The following RANBP2 variants were observed in gnomAD, a reference collection of about 807,000 sequenced individuals.
RANBP2 encodes E3 SUMO-protein ligase RanBP2.
A neutral mutation model predicts 303.6 loss-of-function variants in RANBP2; 57 were observed. That is an observed-to-expected ratio of 0.19 (90% CI 0.15 to 0.23). The LOEUF (loss-of-function observed/expected upper bound fraction) is 0.23, where lower values mean the gene tolerates loss of function less well. RANBP2 is among the 10% of genes least tolerant of loss of function. The pLI, the probability that RANBP2 is intolerant of heterozygous loss-of-function variation, is 1.00. For synonymous variants in RANBP2, 1,167 were observed against 1,301.5 expected, an observed-to-expected ratio of 0.90 and a Z score of 2.23; for missense variants, 3,138 against 3,780.8, an observed-to-expected ratio of 0.83 and a Z score of 4.46.
At chr2:108,902,207 CAA>C in the RANBP2 span, among the ~76,000 whole-genome samples, 35 of 82,524 alleles carry the variant, frequency 4.2e-4, no homozygotes, top group African/African-American at 6.7e-4. Context: ...GACTCCGTCT[CAA>C]AAAAAAAAAA....
At chr2:108,968,584 T>A in the RANBP2 span, among the ~76,000 whole-genome samples, 1 of 152,184 alleles carries the variant, frequency 6.6e-6, no homozygotes, top group African/African-American at 2.4e-5. Context: ...GACCAGTCTG[T>A]CTGTGGCGCC....
chr2:109,390,177 C>T, the RANBP2 span, among the ~76,000 whole-genome samples: 51 of 152,334 alleles, frequency 3.3e-4, no homozygotes, highest in African/African-American at 1.2e-3. Flanking sequence ...AGAGAGACTT[C>T]CCTTGTGGCA....
chr2:109,048,039 C>T, the RANBP2 span, among the ~76,000 whole-genome samples: 10 of 152,224 alleles, frequency 6.6e-5, no homozygotes, highest in Non-Finnish European at 1.3e-4. Flanking sequence ...TGAGGACACG[C>T]ATCATCCCAA....
the RANBP2 span, among the ~76,000 whole-genome samples, chr2:109,259,398 G>A: frequency 3.3e-5 from 5 of 152,196 alleles, no homozygotes; most frequent in Non-Finnish European, 7.3e-5. Context: ...AGGGGAGGCT[G>A]GGCCTCCAGG....
chr2:109,643,377 T>C, the RANBP2 span, among the ~76,000 whole-genome samples: 7 of 152,134 alleles, frequency 4.6e-5, no homozygotes, highest in Non-Finnish European at 1.0e-4. Context: ...TCCCAGACGG[T>C]TAAGCATTAT....
chr2:108,955,434 T>C, the RANBP2 span, among the ~76,000 whole-genome samples: 1 of 152,232 alleles, frequency 6.6e-6, no homozygotes, highest in East Asian at 1.9e-4. Flanking sequence ...CCCTTATTTG[T>C]AGAGACATAT....
chr2:108,937,092 A>G, the RANBP2 span, among the ~76,000 whole-genome samples: 1 of 152,230 alleles, frequency 6.6e-6, no homozygotes, highest in Non-Finnish European at 1.5e-5. Context: ...GTCCTTCCCA[A>G]GGCTGGAGTG....
At chr2:108,806,491 T>C in the RANBP2 span, among the ~76,000 whole-genome samples, 2 of 152,204 alleles carry the variant, frequency 1.3e-5, no homozygotes, top group African/African-American at 4.8e-5. Context: ...GTTTCTGTGT[T>C]AAGATTAGAT....
At chr2:108,953,412 T>G in the RANBP2 span, among the ~76,000 whole-genome samples, 1 of 152,126 alleles carries the variant, frequency 6.6e-6, no homozygotes, top group African/African-American at 2.4e-5. Context: ...ATCTCTAAAC[T>G]CTGCCTCTTC....
chr2:109,282,685 T>A, the RANBP2 span, among the ~76,000 whole-genome samples: 21 of 152,222 alleles, frequency 1.4e-4, no homozygotes, highest in Non-Finnish European at 3.1e-4. Flanking sequence ...TTAAAGTGGG[T>A]CTGGCTGGTC....
chr2:109,124,825 C>T, the RANBP2 span, among the ~76,000 whole-genome samples: 2 of 152,320 alleles, frequency 1.3e-5, no homozygotes, highest in Admixed American at 1.3e-4. Flanking sequence ...AAACCTTCCT[C>T]AACCCCACAC....
the RANBP2 span, among the ~76,000 whole-genome samples, chr2:109,596,697 C>A: frequency 6.6e-6 from 1 of 151,708 alleles, no homozygotes; most frequent in Middle Eastern, 3.4e-3. Flanking sequence ...GGTTAAATTT[C>A]TGTCATTTAT....
the RANBP2 span, among the ~76,000 whole-genome samples, chr2:109,283,793 C>T: frequency 1.3e-5 from 2 of 152,294 alleles, no homozygotes; most frequent in East Asian, 1.9e-4. Context: ...CTGCCTGGCT[C>T]CTTGTGTTTG....
the RANBP2 span, among the ~76,000 whole-genome samples, chr2:108,919,855 C>T: frequency 1.3e-5 from 2 of 152,312 alleles, no homozygotes; most frequent in South Asian, 2.1e-4. Flanking sequence ...ACCCTGAGTG[C>T]GTAGCTGACT....
downstream of RANBP2, among the ~76,000 whole-genome samples, chr2:108,786,002 A>G (rs959920835): frequency 6.6e-6 from 1 of 152,164 alleles, no homozygotes; most frequent in African/African-American, 2.4e-5. Context: ...AATTTTATGA[A>G]TGAGAAAAAT....
At chr2:108,863,212 G>A in the RANBP2 span, among the ~76,000 whole-genome samples, 8 of 152,008 alleles carry the variant, frequency 5.3e-5, no homozygotes, top group East Asian at 1.5e-3. Flanking sequence ...TTATTATTTA[G>A]GAGATTAAAG....
the RANBP2 span, among the ~76,000 whole-genome samples, chr2:109,697,854 T>C: frequency 1.4e-5 from 2 of 145,388 alleles, no homozygotes; most frequent in Non-Finnish European, 3.0e-5. Flanking sequence ...GATGTTAGTC[T>C]AAAGTTTTTT....
chr2:108,972,754 T>A, the RANBP2 span, among the ~76,000 whole-genome samples: 1 of 152,186 alleles, frequency 6.6e-6, no homozygotes, highest in African/African-American at 2.4e-5. Context: ...TCACAGCCCA[T>A]GCAGATGCTG....
chr2:109,231,949 C>T, the RANBP2 span, among the ~76,000 whole-genome samples: 1 of 152,310 alleles, frequency 6.6e-6, no homozygotes, highest in South Asian at 2.1e-4. Flanking sequence ...AGAGTTGTGT[C>T]CATCACCACA....
Sources: allele counts gnomAD v4.1 joint callset (sites outside exome capture counted in the v4.1 genomes callset), GRCh38; gene constraint gnomAD v4.1.1; transcripts MANE v1.5; gene names NCBI Gene and HGNC (gene_info 2026-07-23, HGNC 2026-07-21).